The following SERPINB7 variants were observed in gnomAD, a reference collection of about 807,000 sequenced individuals.
The protein encoded by SERPINB7 is serpin family B member 7, also known as serpin B7.
SERPINB7 carries 31 observed loss-of-function variants against 37.4 expected under a neutral mutation model. That is an observed-to-expected ratio of 0.83 (90% CI 0.62 to 1.12). The LOEUF is 1.12. Among genes scored for constraint, SERPINB7 ranks in the 50% most tolerant of loss-of-function variants. The pLI is 0.00. For missense variants in SERPINB7, 521 were observed against 455.3 expected, an observed-to-expected ratio of 1.14 and a Z score of -1.31; for synonymous variants, 163 against 166.1, an observed-to-expected ratio of 0.98 and a Z score of 0.14.
chr18:63,800,802 G>A, intron 6 of SERPINB7, 64 bp from the exon 7 acceptor site: 1 of 1,562,588 alleles, frequency 6.4e-7, no homozygotes, highest in Non-Finnish European at 8.7e-7. Flanking sequence ...ATTCTTATAT[G>A]TATTTGGTTA....
chr18:63,760,739 T>G (rs547062740), intron 1 of SERPINB7, among the ~76,000 whole-genome samples: 9 of 152,182 alleles, frequency 5.9e-5, no homozygotes, highest in Non-Finnish European at 1.2e-4. Context: ...GGCTATGGCT[T>G]CAGAGGGTGG....
intron 1 of SERPINB7, among the ~76,000 whole-genome samples, chr18:63,781,246 A>G (rs977143426): frequency 1.3e-5 from 2 of 152,200 alleles, no homozygotes; most frequent in African/African-American, 4.8e-5. Flanking sequence ...AGCAAAAGGT[A>G]CAAGGAAGCA....
intron 7 of SERPINB7, 56 bp from the exon 8 acceptor site, chr18:63,804,181 G>A: frequency 7.8e-7 from 1 of 1,288,120 alleles, no homozygotes; most frequent in Non-Finnish European, 1.1e-6. Context: ...TGTAGCTATT[G>A]TTTTATCTAT....
intron 1 of SERPINB7, among the ~76,000 whole-genome samples, chr18:63,768,717 A>G (rs187391683): frequency 8.5e-5 from 13 of 152,250 alleles, no homozygotes; most frequent in African/African-American, 2.6e-4. Context: ...TGCAAAAAAA[A>G]TTGCCACACC....
chr18:63,778,945 A>C (rs2049276261), intron 1 of SERPINB7, among the ~76,000 whole-genome samples: 1 of 152,202 alleles, frequency 6.6e-6, no homozygotes, highest in Non-Finnish European at 1.5e-5. Context: ...ATATTTATGC[A>C]AGAAACATAA....
At chr18:63,790,226 T>C (rs910086951) in intron 2 of SERPINB7, among the ~76,000 whole-genome samples, 12 of 152,294 alleles carry the variant, frequency 7.9e-5, no homozygotes, top group African/African-American at 2.9e-4. Flanking sequence ...CCACTTAATA[T>C]AAAAATCCCC....
At chr18:63,779,909 A>G (rs1285808414) in intron 1 of SERPINB7, among the ~76,000 whole-genome samples, 1 of 152,152 alleles carries the variant, frequency 6.6e-6, no homozygotes, top group Non-Finnish European at 1.5e-5. Flanking sequence ...TTGTAAAACA[A>G]CAAGAAGAAT....
chr18:63,775,467 C>T lies in SERPINB7; in HGVS notation c.-268C>T, dbSNP rs1221862419. 6.6e-6 allele frequency: 1 copy of T among 152,142 alleles called. No homozygotes were observed. Among genetic ancestry groups the T allele is most frequent in the East Asian group, 1.9e-4 (1 of 5,182 alleles). The allele number at this position is 152,142 out of a possible 1,614,324, so 9.4% of individuals were successfully genotyped here. On this transcript the variant is annotated 5_prime_UTR_variant, in exon 1 of 8. Coordinates refer to ENST00000398019, the MANE Select transcript of SERPINB7 (RefSeq NM_003784.4). ...AGTGCAGGCTGCACCTTTGGACAGC[C>T]TTTAAAACTGAATTCTCAGAATTTT...
At chr18:63,800,000 C>A (rs1298656226) in intron 6 of SERPINB7, among the ~76,000 whole-genome samples, 1 of 151,876 alleles carries the variant, frequency 6.6e-6, no homozygotes, top group South Asian at 2.1e-4. Context: ...ATTTGAGGGA[C>A]ATTATCAAAT....
intron 2 of SERPINB7, among the ~76,000 whole-genome samples, chr18:63,789,196 G>A (rs1355559964): frequency 6.6e-6 from 1 of 152,010 alleles, no homozygotes; most frequent in East Asian, 1.9e-4. Context: ...TCAAAGATTA[G>A]CGAGCTGGTC....
At chr18:63,780,036 A>G (rs2049287047) in intron 1 of SERPINB7, among the ~76,000 whole-genome samples, 1 of 152,042 alleles carries the variant, frequency 6.6e-6, no homozygotes, top group Non-Finnish European at 1.5e-5. Flanking sequence ...TCATTTAAAA[A>G]CCTTTCAGGT....
At chr18:63,764,771 T>C (rs990604714) in intron 1 of SERPINB7, among the ~76,000 whole-genome samples, 3 of 152,096 alleles carry the variant, frequency 2.0e-5, no homozygotes, top group African/African-American at 7.2e-5. Flanking sequence ...CTTAAAGAAA[T>C]AATAGTGGTA....
chr18:63,802,329 C>T (rs1196224226), intron 7 of SERPINB7, among the ~76,000 whole-genome samples: 2 of 152,154 alleles, frequency 1.3e-5, no homozygotes, highest in African/African-American at 4.8e-5. Flanking sequence ...CCTTTTTCTG[C>T]TTTTCCTCCT....
At chr18:63,781,991 G>A (rs953957958) in intron 1 of SERPINB7, among the ~76,000 whole-genome samples, 3 of 152,164 alleles carry the variant, frequency 2.0e-5, no homozygotes, top group Non-Finnish European at 2.9e-5. Flanking sequence ...AGCAAAGGCT[G>A]TAGTGCCTCA....
intron 1 of SERPINB7, among the ~76,000 whole-genome samples, chr18:63,759,823 T>C (rs2049142813): frequency 6.6e-6 from 1 of 152,218 alleles, no homozygotes; most frequent in African/African-American, 2.4e-5. Flanking sequence ...TTTTCTCTTG[T>C]CACTACCATG....
chr18:63,804,981 A>T lies in SERPINB7; in HGVS notation c.*346A>T, dbSNP rs1177929324. 1 of 220,310 alleles carries T rather than the reference A, an allele frequency of 4.5e-6. No individual in the cohort carries two copies. The highest frequency in any genetic ancestry group is 1.0e-4 in the East Asian group (1 of 9,836). The allele number at this position is 220,310 out of a possible 1,614,324, so 13.6% of individuals were successfully genotyped here. ...AAGTAGCCCTAGGGATCCTTTTTGA[A>T]ACTCTACAGTTATCGCAGATATTCT... On this transcript the variant is annotated 3_prime_UTR_variant, in exon 8 of 8. Transcript: ENST00000398019.
intron 1 of SERPINB7, among the ~76,000 whole-genome samples, chr18:63,768,353 A>G (rs527585384): frequency 3.3e-4 from 50 of 152,092 alleles, no homozygotes; most frequent in African/African-American, 1.0e-3. Flanking sequence ...TTTGACTCGC[A>G]CCATCTTTCA....
intron 1 of SERPINB7, among the ~76,000 whole-genome samples, chr18:63,763,766 G>T (rs1022869812): frequency 1.3e-5 from 2 of 151,992 alleles, no homozygotes; most frequent in Admixed American, 6.6e-5. Flanking sequence ...TTGGCCATTG[G>T]GTAAATAATA....
intron 1 of SERPINB7, among the ~76,000 whole-genome samples, chr18:63,768,687 A>T (rs2049193811): frequency 1.3e-5 from 2 of 152,098 alleles, no homozygotes; most frequent in South Asian, 4.1e-4. Flanking sequence ...TTAAAATGTA[A>T]TTCAATGAGC....
Sources: allele counts gnomAD v4.1 joint callset (sites outside exome capture counted in the v4.1 genomes callset), GRCh38; gene constraint gnomAD v4.1.1; transcripts MANE v1.5; gene names NCBI Gene and HGNC (gene_info 2026-07-23, HGNC 2026-07-21).